RTL4: variants seen among roughly 807,000 people sequenced by gnomAD.
RTL4 encodes retrotransposon Gag-like protein 4.
In RTL4, 4 loss-of-function variants were observed where a neutral mutation model predicts 5.3. The ratio of observed to expected loss-of-function variants is 0.75; its 90% confidence interval spans 0.37 to 1.72. The LOEUF (loss-of-function observed/expected upper bound fraction) is 1.72. Ranked by LOEUF, RTL4 falls within the 40% of genes most tolerant of loss-of-function variation. RTL4 has a pLI of 0.04. For synonymous variants in RTL4, 98 were observed against 87.3 expected (o/e 1.12, Z -0.68); for missense variants, 260 against 227.1 (o/e 1.14, Z -0.93).
the RTL4 span, among the ~76,000 whole-genome samples, chrX:112,244,211 T>A: frequency 3.6e-5 from 4 of 111,924 alleles, no homozygotes; most frequent in Non-Finnish European, 7.5e-5. Flanking sequence ...GTCTATTAGG[T>A]CTGCTTGGTG....
the RTL4 span, among the ~76,000 whole-genome samples, chrX:112,296,571 AC>A: frequency 9.5e-6 from 1 of 105,127 alleles, no homozygotes; most frequent in Non-Finnish European, 2.0e-5. Context: ...ATCTGGGTTT[AC>A]CCCTCTTGAG....
chrX:112,349,733 AAG>A, the RTL4 span, among the ~76,000 whole-genome samples: 3 of 97,143 alleles, frequency 3.1e-5, no homozygotes, highest in Non-Finnish European at 6.2e-5. Context: ...GACTTTGCTG[AAG>A]TTGCTTATCA....
chrX:112,221,825 AATG>A, the RTL4 span, among the ~76,000 whole-genome samples: 2 of 112,576 alleles, frequency 1.8e-5, no homozygotes, highest in African/African-American at 6.5e-5. Flanking sequence ...ACATAGGCTG[AATG>A]ACTCCTTTTG....
chrX:112,410,942 GTT>G, the RTL4 span, among the ~76,000 whole-genome samples: 1 of 111,087 alleles, frequency 9.0e-6, no homozygotes, highest in Non-Finnish European at 1.9e-5. Flanking sequence ...TGAAAAGTTG[GTT>G]TTTTTGAAAG....
chrX:112,156,075 T>C, the RTL4 span, among the ~76,000 whole-genome samples: 10 of 112,123 alleles, frequency 8.9e-5, no homozygotes, highest in African/African-American at 3.2e-4. Context: ...GGAATCATTG[T>C]GGGATCATTG....
the RTL4 span, among the ~76,000 whole-genome samples, chrX:112,447,009 A>G: frequency 1.8e-5 from 2 of 112,204 alleles, no homozygotes; most frequent in African/African-American, 6.5e-5. Flanking sequence ...AGCTAGTGCT[A>G]GGCCCTGGGA....
chrX:112,383,805 A>G, the RTL4 span, among the ~76,000 whole-genome samples: 1 of 111,428 alleles, frequency 9.0e-6, no homozygotes, highest in Non-Finnish European at 1.9e-5. Flanking sequence ...GTACACATGG[A>G]CATAGAGATG....
the RTL4 span, among the ~76,000 whole-genome samples, chrX:112,110,984 G>A: frequency 8.9e-6 from 1 of 111,913 alleles, no homozygotes; most frequent in African/African-American, 3.3e-5. Flanking sequence ...GTTGTCAGTG[G>A]CCTCAGTGCT....
At chrX:112,130,348 T>G in the RTL4 span, among the ~76,000 whole-genome samples, 1 of 108,364 alleles carries the variant, frequency 9.2e-6, no homozygotes, top group Admixed American at 1.0e-4. Context: ...TTAGATCAGT[T>G]TTTGCCAGCA....
At chrX:112,363,659 C>T in the RTL4 span, among the ~76,000 whole-genome samples, 2 of 111,633 alleles carry the variant, frequency 1.8e-5, no homozygotes, top group Non-Finnish European at 3.8e-5. Flanking sequence ...TTCAATTACA[C>T]TCTGTGAAAT....
chrX:112,390,132 T>TTTAGG, the RTL4 span, among the ~76,000 whole-genome samples: 1 of 33,729 alleles, frequency 3.0e-5, no homozygotes, highest in Non-Finnish European at 5.4e-5. Context: ...TATATATATA[T>TTTAGG]ATATATATAT....
At chrX:112,215,432 A>G in the RTL4 span, among the ~76,000 whole-genome samples, 2 of 111,594 alleles carry the variant, frequency 1.8e-5, no homozygotes, top group African/African-American at 3.3e-5. Flanking sequence ...TTTTCATATG[A>G]TTATCTGTGT....
At chrX:112,411,165 CA>C in the RTL4 span, among the ~76,000 whole-genome samples, 3 of 111,102 alleles carry the variant, frequency 2.7e-5, no homozygotes, top group Non-Finnish European at 5.7e-5. Context: ...TGAAGAAATC[CA>C]AAATGGGAAC....
At chrX:112,199,858 A>T in the RTL4 span, among the ~76,000 whole-genome samples, 1 of 112,265 alleles carries the variant, frequency 8.9e-6, no homozygotes, top group Non-Finnish European at 1.9e-5. Context: ...TCATCCTCAC[A>T]TTTTAATAAT....
chrX:112,135,060 A>G, the RTL4 span, among the ~76,000 whole-genome samples: 1 of 112,265 alleles, frequency 8.9e-6, no homozygotes, highest in African/African-American at 3.2e-5. Context: ...TCTTAGATAA[A>G]CATGTAGGAA....
chrX:112,220,607 T>C, the RTL4 span, among the ~76,000 whole-genome samples: 1 of 112,992 alleles, frequency 8.9e-6, no homozygotes, highest in Admixed American at 9.4e-5. Flanking sequence ...TTTTTTCTAT[T>C]GCATTGTCAG....
chrX:112,420,626 AG>A, the RTL4 span, among the ~76,000 whole-genome samples: 1 of 111,912 alleles, frequency 8.9e-6, no homozygotes, highest in African/African-American at 3.2e-5. Flanking sequence ...AGTCTTTGTG[AG>A]GAGAAAAATG....
chrX:112,195,014 C>T, the RTL4 span, among the ~76,000 whole-genome samples: 8 of 111,903 alleles, frequency 7.1e-5, no homozygotes, highest in Admixed American at 2.9e-4. Context: ...TAGGATAATG[C>T]AAGATTTCTG....
the RTL4 span, among the ~76,000 whole-genome samples, chrX:112,212,095 G>A: frequency 1.8e-5 from 2 of 112,316 alleles, no homozygotes; most frequent in African/African-American, 3.2e-5. Context: ...AAAAGAAGTG[G>A]GCCGGGCGCG....
Sources: gnomAD v4.1 joint callset for allele counts (sites outside exome capture counted in the v4.1 genomes callset) on GRCh38, gnomAD v4.1.1 for gene constraint, MANE v1.5 for transcripts, NCBI Gene and HGNC (gene_info 2026-07-23, HGNC 2026-07-21) for gene names.